Variants in PDK4 observed in about 807,000 individuals in gnomAD.
PDK4 encodes pyruvate dehydrogenase kinase 4.
In PDK4, 43 loss-of-function variants were observed where a neutral mutation model predicts 51.7. That is an observed-to-expected ratio of 0.83 (90% CI 0.65 to 1.07). The LOEUF is 1.07. PDK4 is among the 50% of genes least tolerant of loss of function. The pLI is 0.00. For missense variants in PDK4, 498 were observed against 503.5 expected, an observed-to-expected ratio of 0.99 and a Z score of 0.10; for synonymous variants, 170 against 176.6, an observed-to-expected ratio of 0.96 and a Z score of 0.30.
intron 7 of PDK4, among the ~76,000 whole-genome samples, chr7:95,588,829 T>G (rs1037436049): frequency 3.3e-5 from 5 of 152,244 alleles, no homozygotes; most frequent in African/African-American, 1.2e-4. Flanking sequence ...ATGAAAGGAT[T>G]TGATTCTTAG....
At chr7:95,592,702 G>A (rs185804538) in intron 4 of PDK4, 58 bp downstream of exon 4, 67 of 1,422,170 alleles carry the variant, frequency 4.7e-5, no homozygotes, top group Middle Eastern at 3.5e-4. Context: ...TCTAGTTATA[G>A]TATGGCTTAT....
chr7:95,586,951 G>A, intron 10 of PDK4, 59 bp downstream of exon 10: 1 of 940,656 alleles, frequency 1.1e-6, no homozygotes, highest in Non-Finnish European at 1.7e-6. Flanking sequence ...TAGCACTCAA[G>A]GCTATAAAAG....
rs1791467386 is a variant in PDK4, at chr7:95,585,340, T to C, written c.*301A>G. The C allele has an allele frequency of 4.5e-6, 1 of 222,516 alleles. No homozygotes were observed. The highest frequency in any genetic ancestry group is 2.3e-5 in the African/African-American group (1 of 44,358). The allele number at this position is 222,516 out of a possible 1,614,324, so 13.8% of individuals were successfully genotyped here. ...ACCATCTTCACACTCACTCCCTTTC[T>C]TATTCTTATCAAAAACAGATGGAAA... On this transcript the variant is annotated 3_prime_UTR_variant, in exon 11 of 11. Transcript: ENST00000005178.
In PDK4 at chr7:95,596,338, G is replaced by A. The variant is rs763489945; in HGVS notation, c.-45C>T. On this transcript the variant is annotated 5_prime_UTR_variant, in exon 1 of 11. Transcript: ENST00000005178. ...GGCGGGGACTGTGGCTGGCTTGAGG[G>A]GCGAAGGCTGCTCGGAGCAGAGCCT... The A allele has an allele frequency of 6.5e-7, 1 of 1,536,532 alleles. No homozygotes were observed. Among genetic ancestry groups the A allele is most frequent in the African/African-American group, 1.4e-5 (1 of 70,824 alleles).
intron 5 of PDK4, 42 bp downstream of exon 5, chr7:95,592,469 T>C: frequency 1.9e-6 from 2 of 1,068,152 alleles, no homozygotes; most frequent in Non-Finnish European, 2.9e-6. Context: ...AATCATATAT[T>C]GTACATTTTC....
rs759597184 is a variant in PDK4 at position 95,596,199 on chromosome 7, G to T, written c.95C>A (p.Pro32Gln). The T allele has an allele frequency of 1.2e-6, 2 of 1,604,190 alleles. No individual in the cohort carries two copies. Among genetic ancestry groups the T allele is most frequent in the Admixed American group, 1.7e-5 (1 of 59,396 alleles). ...TAGCTGCTTCATGGACAGCGGGGACGGGCTGTAGCGCGAGAAATGCTCCAC... is the reference window on the plus strand; with the variant it reads ...TAGCTGCTTCATGGACAGCGGGGACTGGCTGTAGCGCGAGAAATGCTCCAC... ...REVEHFSRYS[P>Q]SPLSMKQLLD... The change falls in exon 1 of 11, where the codon CCG (proline) becomes CAG (glutamine). Residue 32 changes from proline to glutamine, a missense_variant. Physicochemically the swap from Pro to Gln is moderately conservative, Grantham distance 76. Transcript: ENST00000005178.
rs1318769655 is a variant in PDK4 at position 95,596,392 on chromosome 7, C to A, written c.-99G>T. The A allele has an allele frequency of 5.9e-6, 8 of 1,356,536 alleles. No homozygotes were observed. The highest frequency in any genetic ancestry group is 3.0e-5 in the East Asian group (1 of 33,520). The allele number at this position is 1,356,536 out of a possible 1,614,324, so 84.0% of individuals were successfully genotyped here. A position where few individuals can be genotyped will look rare whatever the true frequency, so the allele number is the denominator to read the frequency against. ...TCCGAGGGGGCGCGGCGCGTCCGGG[C>A]GAGGACTGCAGGTGCGCTGGCTGGC... On this transcript the variant is annotated 5_prime_UTR_variant, in exon 1 of 11. Transcript: ENST00000005178.
In PDK4 at chr7:95,589,717, C is replaced by T. The variant is rs781531077; in HGVS notation, c.695-1G>A. On this transcript the variant is annotated splice_acceptor_variant, in intron 6 of 10. Transcript: ENST00000005178. LOFTEE classifies it high-confidence loss of function. ...TGAATTGGTTGGTCTGGAAATTTTC[C>T]TAGAAAAATAAAATTCATTAAGAAT... The T allele has an allele frequency of 7.9e-6, 12 of 1,514,316 alleles. No individual in the cohort carries two copies. The highest frequency in any genetic ancestry group is 1.7e-5 in the Admixed American group (1 of 59,102). 93.8% of individuals were successfully genotyped at this position (1,514,316 alleles called of 1,614,324 possible). A position where few individuals can be genotyped will look rare whatever the true frequency, so the allele number is the denominator to read the frequency against.
At chr7:95,595,420 A>T (rs1791607013) in intron 1 of PDK4, among the ~76,000 whole-genome samples, 1 of 152,174 alleles carries the variant, frequency 6.6e-6, no homozygotes, top group African/African-American at 2.4e-5. Flanking sequence ...TTTGAAGAGG[A>T]TTCACTTCCA....
At chr7:95,594,762 G>T in intron 2 of PDK4, 1 of 251,032 alleles carries the variant, frequency 4.0e-6, no homozygotes, top group Non-Finnish European at 7.4e-6. Context: ...AAAATTGCAT[G>T]CCAATTTTTT....
chr7:95,589,589 CTGTT>C, intron 7 of PDK4, 47 bp downstream of exon 7: 1 of 904,192 alleles, frequency 1.1e-6, no homozygotes, highest in South Asian at 1.5e-5. Context: ...AAAAATATAA[CTGTT>C]AAACCTTTTT....
rs957021670 is a variant in PDK4, at chr7:95,583,595, G to A, written c.*2046C>T. 6.6e-6 allele frequency: 1 copy of A among 152,360 alleles called. No individual in the cohort carries two copies. The highest frequency in any genetic ancestry group is 2.4e-5 in the African/African-American group (1 of 41,426). The allele number at this position is 152,360 out of a possible 1,614,324, so 9.4% of individuals were successfully genotyped here. ...CACAATGTATACATTAATAATTTAAGTGGGCCTGAGTATTCAGTATCCATC... is the reference window on the plus strand; with the variant it reads ...CACAATGTATACATTAATAATTTAAATGGGCCTGAGTATTCAGTATCCATC... On this transcript the variant is annotated 3_prime_UTR_variant, in exon 11 of 11. Transcript: ENST00000005178.
chr7:95,586,197 T>TTTTTC (rs1390486212), intron 10 of PDK4, among the ~76,000 whole-genome samples: 1 of 146,202 alleles, frequency 6.8e-6, no homozygotes, highest in East Asian at 2.0e-4. Context: ...CACCAAGGTT[T>TTTTTC]TTTTTTTTTT....
At position 95,590,477 on chromosome 7, in the gene PDK4, T is replaced by A. The variant is rs559421074; in HGVS notation, c.695-761A>T. Among the ~76,000 whole-genome samples the A allele has an allele frequency of 3.3e-5, 5 of 152,276 alleles. No homozygotes were observed. In the South Asian group the frequency reaches 1.0e-3, roughly 32 times the overall value. ...AAGAAAAGAAAAATAAAAGTATTAT[T>A]CTTCAGCGTTCCAGGCCTTGGCAAA... On this transcript the variant is annotated intron_variant, in intron 6 of 10. Coordinates refer to ENST00000005178, the MANE Select transcript of PDK4 (RefSeq NM_002612.4).
chr7:95,596,059 A>G (rs1791615426), intron 1 of PDK4, 105 bp downstream of exon 1: 1 of 1,236,872 alleles, frequency 8.1e-7, no homozygotes, highest in Non-Finnish European at 1.1e-6. Flanking sequence ...AGCAAAGTGA[A>G]CCCCAGTTGT....
intron 6 of PDK4, among the ~76,000 whole-genome samples, chr7:95,590,228 CTG>C (rs1339853544): frequency 2.6e-5 from 4 of 152,130 alleles, no homozygotes; most frequent in Admixed American, 2.0e-4. Context: ...AGGGAGAAAA[CTG>C]TGCTTATAGC....
In PDK4 at chr7:95,593,773, GT is replaced by G; in HGVS notation, c.273-4del. On this transcript the variant is annotated splice_polypyrimidine_tract_variant and splice_region_variant and intron_variant, in intron 2 of 10. Transcript: ENST00000005178. Reference sequence around the variant, plus strand: ...AATCCATCAGGCTCTGTATATACCTGTAAAGAAACAGGTATGCTTTAAGTTT... The same window carrying G: ...AATCCATCAGGCTCTGTATATACCTGAAAGAAACAGGTATGCTTTAAGTTT... 1 of 1,428,352 alleles carries G rather than the reference GT, an allele frequency of 7.0e-7. No individual in the cohort carries two copies. Among genetic ancestry groups the G allele is most frequent in the Non-Finnish European group, 9.8e-7 (1 of 1,023,164 alleles). 88.5% of individuals were successfully genotyped at this position (1,428,352 alleles called of 1,614,324 possible). A position where few individuals can be genotyped will look rare whatever the true frequency, so the allele number is the denominator to read the frequency against.
chr7:95,589,662 T>C lies in PDK4; in HGVS notation c.749A>G (p.His250Arg). 1 of 1,576,088 alleles carries C rather than the reference T, an allele frequency of 6.3e-7. No homozygotes were observed. The highest frequency in any genetic ancestry group is 8.7e-7 in the Non-Finnish European group (1 of 1,146,166). ...TACCTTAAATAGTTCAAAGAGCATA[T>C]GATGGAGGTGAGAAGGAACATACAC... ...HIVYVPSHLH[H>R]MLFELFKNAM... Residue 250 changes from histidine (H) to arginine (R), a missense_variant, in exon 7 of 11, where the codon CAT becomes CGT. Physicochemically the swap from His to Arg is conservative, Grantham distance 29 (BLOSUM62 0). Transcript: ENST00000005178.
rs554961998 is a variant in PDK4, at chr7:95,583,570, C to T, written c.*2071G>A. 6.6e-6 allele frequency: 1 copy of T among 152,152 alleles called. No homozygotes were observed. The allele number at this position is 152,152 out of a possible 1,614,324, so 9.4% of individuals were successfully genotyped here. On this transcript the variant is annotated 3_prime_UTR_variant, in exon 11 of 11. Transcript: ENST00000005178. ...TCTGTACATAGCATAAAGACAAAAA[C>T]ACAATGTATACATTAATAATTTAAG...
Sources: allele counts gnomAD v4.1 joint callset (sites outside exome capture counted in the v4.1 genomes callset), GRCh38; gene constraint gnomAD v4.1.1; transcripts MANE v1.5; gene names NCBI Gene and HGNC (gene_info 2026-07-23, HGNC 2026-07-21).